Variants in BBS4 observed in about 807,000 individuals in gnomAD.
BBS4 encodes the protein Bardet-Biedl syndrome 4.
A neutral mutation model predicts 71.4 loss-of-function variants in BBS4; 58 were observed. The ratio of observed to expected loss-of-function variants is 0.81; its 90% CI spans 0.66 to 1.01. The LOEUF (loss-of-function observed/expected upper bound fraction) is 1.01, where lower values mean the gene tolerates loss of function less well. BBS4 is among the 50% of genes least tolerant of loss of function. The probability of loss-of-function intolerance (pLI) is 0.00; values close to 1 mark genes in which losing one functional copy is unlikely to be tolerated. For synonymous variants in BBS4, 228 were observed against 216.8 expected (o/e 1.05, Z -0.46); for missense variants, 660 against 607.9 (o/e 1.09, Z -0.90).
chr15:72,716,663 G>A (rs1000175013), intron 5 of BBS4, 115 bp from the exon 6 acceptor site: 45 of 820,678 alleles, frequency 5.5e-5, no homozygotes, highest in Non-Finnish European at 8.7e-5. Flanking sequence ...CCACCTCATA[G>A]AGAAAAGGCT....
chr15:72,714,366 C>T (rs942178350), intron 4 of BBS4, among the ~76,000 whole-genome samples: 1 of 151,878 alleles, frequency 6.6e-6, no homozygotes, highest in African/African-American at 2.4e-5. Context: ...GCTGGGATTA[C>T]AGGCACATGC....
rs548217717 is a variant in BBS4, at chr15:72,703,578, C to T, written c.77-6122C>T. ...ACTATTTTCAGATTCTTTGGATTTT[C>T]GGGTGAAAATTTTAGGGGGGATAAA... On this transcript the variant is annotated intron_variant, in intron 2 of 15. Transcript: ENST00000268057. Among the ~76,000 whole-genome samples the T allele has an allele frequency of 9.9e-5, 15 of 152,040 alleles. No individual in the cohort carries two copies. The East Asian group carries it at 1.2e-3, about 12-fold the overall frequency.
chr15:72,731,444 A>G lies in BBS4; in HGVS notation c.851A>G (p.Lys284Arg). 1 of 1,614,192 alleles carries G rather than the reference A, an allele frequency of 6.2e-7. No homozygotes were observed. Among genetic ancestry groups the G allele is most frequent in the Non-Finnish European group, 8.5e-7 (1 of 1,180,040 alleles). The part of the protein sequence containing the change: ...NNIGMCFFGK[K>R]KYVAAISCLK... ...ATTGGAATGTGTTTCTTTGGCAAGA[A>G]GAAATATGTGGCGGTGAGTGTCCCC... The change falls in exon 11 of 16, where the codon AAG (lysine) becomes AGG (arginine). Residue 284 changes from lysine (K) to arginine (R), a missense_variant. Coordinates refer to ENST00000268057, the MANE Select transcript of BBS4 (RefSeq NM_033028.5).
chr15:72,691,352 T>A (rs2064979971), intron 1 of BBS4, among the ~76,000 whole-genome samples: 1 of 152,148 alleles, frequency 6.6e-6, no homozygotes, highest in Non-Finnish European at 1.5e-5. Flanking sequence ...AATGGAAACT[T>A]GTGTTCCTAC....
At chr15:72,689,835 G>T (rs1169066061) in intron 1 of BBS4, among the ~76,000 whole-genome samples, 1 of 145,326 alleles carries the variant, frequency 6.9e-6, no homozygotes, top group Non-Finnish European at 1.5e-5. Flanking sequence ...TTTTGAGACG[G>T]AGTCTTGCTC....
rs751158933 is a variant in BBS4 at position 72,735,134 on chromosome 15, A to G, written c.1058A>G (p.Asp353Gly). The change falls in exon 13 of 16, where the codon GAT becomes GGT. Residue 353 changes from aspartate to glycine, a missense_variant. Physicochemically the swap from Asp to Gly is moderately conservative, Grantham distance 94. Transcript: ENST00000268057. ...GCAGTGGCTCTGACCAATCTGGAAG[A>G]TATAGAAAATGCCAAGAGAGCCTAC... Reference protein sequence around the residue: ...LLAVALTNLEDIENAKRAYAE... With the variant: ...LLAVALTNLEGIENAKRAYAE... The G allele has an allele frequency of 1.2e-6, 2 of 1,613,808 alleles. No individual in the cohort carries two copies. Among genetic ancestry groups the G allele is most frequent in the African/African-American group, 1.3e-5 (1 of 75,040 alleles).
intron 3 of BBS4, among the ~76,000 whole-genome samples, chr15:72,710,393 G>C (rs1004187251): frequency 7.9e-5 from 12 of 151,610 alleles, no homozygotes; most frequent in South Asian, 6.3e-4. Flanking sequence ...GTAGAGATGG[G>C]GTTTCACCAT....
intron 5 of BBS4, among the ~76,000 whole-genome samples, chr15:72,715,925 A>G (rs1252255834): frequency 6.6e-6 from 1 of 152,222 alleles, no homozygotes; most frequent in African/African-American, 2.4e-5. Flanking sequence ...TCAGTAAATT[A>G]CATGAGATAT....
intron 6 of BBS4, among the ~76,000 whole-genome samples, chr15:72,718,760 T>C (rs2065511349): frequency 6.6e-6 from 1 of 152,196 alleles, no homozygotes; most frequent in African/African-American, 2.4e-5. Flanking sequence ...GATTATAAGA[T>C]ACTCAACTAG....
chr15:72,725,742 T>C (rs1595938992), intron 8 of BBS4, among the ~76,000 whole-genome samples: 1 of 76,254 alleles, frequency 1.3e-5, no homozygotes, highest in South Asian at 7.1e-4. Flanking sequence ...CTCTTCCCCC[T>C]TTCCCTTTCC....
At position 72,702,802 on chromosome 15, in the gene BBS4, C is replaced by CTTTTTTTTTTTTTTTTTTTTT. The variant is rs59816410; in HGVS notation, c.77-6895_77-6875dup. Among the ~76,000 whole-genome samples, 29 of 73,494 alleles carry CTTTTTTTTTTTTTTTTTTTTT rather than the reference C, an allele frequency of 3.9e-4. 1 individual carries two copies. Among genetic ancestry groups the CTTTTTTTTTTTTTTTTTTTTT allele is most frequent in the East Asian group, 3.7e-3 (6 of 1,620 alleles). The allele number at this position is 73,494 out of a possible 152,430, so 48.2% of individuals were successfully genotyped here. Reference sequence around the variant, plus strand: ...TTTTTGGTATAGTGAGGAGCTGACTCTTTTTTTTTTTTTTTTTTTTTTTGA... The same window carrying CTTTTTTTTTTTTTTTTTTTTT: ...TTTTTGGTATAGTGAGGAGCTGACTCTTTTTTTTTTTTTTTTTTTTTTTTTTTTTTTTTTTTTTTTTTTTGA... On this transcript the variant is annotated intron_variant, in intron 2 of 15. Coordinates refer to ENST00000268057, the MANE Select transcript of BBS4 (RefSeq NM_033028.5).
At chr15:72,721,240 G>C (rs1306146893) in intron 6 of BBS4, among the ~76,000 whole-genome samples, 4 of 152,206 alleles carry the variant, frequency 2.6e-5, no homozygotes, top group Non-Finnish European at 5.9e-5. Context: ...ATATCAAGCA[G>C]TCACTACTTT....
rs778199102 is a variant in BBS4, at chr15:72,715,412, G to A, written c.332+10G>A. Reference sequence around the variant, plus strand: ...AGGTGGCCAGATCTTTGTGAGTATTGGCAACCTGGAGGCCCTAGGGCACTC... The same window carrying A: ...AGGTGGCCAGATCTTTGTGAGTATTAGCAACCTGGAGGCCCTAGGGCACTC... On this transcript the variant is annotated intron_variant, in intron 5 of 15. Coordinates refer to ENST00000268057, the MANE Select transcript of BBS4 (RefSeq NM_033028.5). 17 of 1,594,004 alleles carry A rather than the reference G, an allele frequency of 1.1e-5. 1 individual carries two copies. In the South Asian group the frequency reaches 1.9e-4, roughly 18 times the overall value.
At chr15:72,732,390 TAATC>T in intron 12 of BBS4, among the ~76,000 whole-genome samples, 1 of 152,308 alleles carries the variant, frequency 6.6e-6, no homozygotes, top group East Asian at 1.9e-4. Flanking sequence ...AAGTTAAAAT[TAATC>T]AAACACTTTA....
Position 72,716,806 on chromosome 15 carries a change from A to G in BBS4, c.361A>G (p.Ile121Val), listed in dbSNP as rs1302806569. 1.9e-6 allele frequency: 3 copies of G among 1,610,528 alleles called. No homozygotes were observed. The highest frequency in any genetic ancestry group is 1.3e-5 in the African/African-American group (1 of 74,874). The change falls in exon 6 of 16, where the codon ATT becomes GTT. Residue 121 changes from isoleucine to valine, a missense_variant. Coordinates refer to ENST00000268057, the MANE Select transcript of BBS4 (RefSeq NM_033028.5). The stretch of plus-strand genomic sequence containing the variant: ...TCTTTTGGGAAAACATAAAGCTGCC[A>G]TTGAAGTATATAATGAAGCAGCTAA... ...LFLLGKHKAA[I>V]EVYNEAAKLN...
intron 2 of BBS4, among the ~76,000 whole-genome samples, chr15:72,705,624 A>G (rs144066069): frequency 0.01 from 1,119 of 108,736 alleles, 14 homozygotes; most frequent in African/African-American, 0.038. Flanking sequence ...ACTGGGTCTC[A>G]CTCTGTCACC....
At chr15:72,715,780 A>G (rs561367056) in intron 5 of BBS4, among the ~76,000 whole-genome samples, 1 of 152,324 alleles carries the variant, frequency 6.6e-6, no homozygotes, top group Admixed American at 6.5e-5. Context: ...GTAAGGACAG[A>G]GAGTTCCTGA....
chr15:72,729,514 T>C lies in BBS4; in HGVS notation c.643-102T>C, dbSNP rs6495015. ...ATCCACCCACCTTAGCCTCCCAAAG[T>C]GCTGGGATTATAGGCATTAGCCACC... On this transcript the variant is annotated intron_variant, in intron 9 of 15. Transcript: ENST00000268057. The C allele has an allele frequency of 0.6, 641,451 of 1,065,692 alleles. 199,130 individuals carry two copies. The highest frequency in any genetic ancestry group is 0.64 in the Non-Finnish European group (440,924 of 684,268). The allele number at this position is 1,065,692 out of a possible 1,614,324, so 66.0% of individuals were successfully genotyped here.
chr15:72,689,583 A>G (rs1437094619), intron 1 of BBS4, among the ~76,000 whole-genome samples: 2 of 152,062 alleles, frequency 1.3e-5, no homozygotes, highest in Non-Finnish European at 2.9e-5. Flanking sequence ...AAACACAAAA[A>G]TTAGCCAGAC....
Sources: gnomAD v4.1 joint callset for allele counts (sites outside exome capture counted in the v4.1 genomes callset) on GRCh38, gnomAD v4.1.1 for gene constraint, MANE v1.5 for transcripts, NCBI Gene and HGNC (gene_info 2026-07-23, HGNC 2026-07-21) for gene names.